Variants in NEMP1 observed in about 807,000 individuals in gnomAD.
NEMP1 encodes transmembrane protein 194.
In NEMP1, 29 loss-of-function variants were observed where a neutral mutation model predicts 53.7. That is an observed-to-expected ratio of 0.54 (90% CI 0.40 to 0.74). NEMP1 has a LOEUF of 0.74. NEMP1 is among the 30% of genes least tolerant of loss of function. NEMP1 has a pLI of 0.00. For missense variants in NEMP1, 477 were observed against 528.6 expected, an observed-to-expected ratio of 0.90 and a Z score of 0.96; for synonymous variants, 193 against 192.9, an observed-to-expected ratio of 1.00 and a Z score of 0.00.
At chr12:57,075,215 T>C (rs2032546870) in intron 1 of NEMP1, among the ~76,000 whole-genome samples, 2 of 150,086 alleles carry the variant, frequency 1.3e-5, no homozygotes, top group Non-Finnish European at 3.0e-5. Context: ...TGAAACCCCA[T>C]CTCTACTAAA....
intron 7 of NEMP1, 110 bp downstream of exon 7, chr12:57,063,009 T>C (rs1592500534): frequency 2.5e-6 from 2 of 802,014 alleles, no homozygotes; most frequent in South Asian, 3.5e-5. Context: ...TACAATACAA[T>C]GACTTTTCAT....
intron 7 of NEMP1, among the ~76,000 whole-genome samples, chr12:57,061,990 T>C (rs2031833036): frequency 6.6e-6 from 1 of 151,542 alleles, no homozygotes; most frequent in African/African-American, 2.4e-5. Context: ...AGAGCAAGAC[T>C]CCATCTCAAA....
At position 57,059,948 on chromosome 12, in the gene NEMP1, T is replaced by C. The variant is rs767442565; in HGVS notation, c.1266A>G (p.Glu422=). 1.1e-5 allele frequency: 18 copies of C among 1,613,380 alleles called. No homozygotes were observed. Among genetic ancestry groups the C allele is most frequent in the Non-Finnish European group, 1.5e-5 (18 of 1,179,798 alleles). The change falls in exon 9 of 9, where the codon GAA becomes GAG. Residue 422 remains glutamate, a synonymous_variant. Transcript: ENST00000300128. ...ATGAGTCCTCCTCCTCAGAGGATGC[T>C]TCCTCATAGATTTCATCCTGGGCAA... The part of the protein sequence containing the change: ...SIIAQDEIYE[E]ASSEEEDSYS...
At chr12:57,083,473 C>T (rs1473433544), upstream of NEMP1, among the ~76,000 whole-genome samples, 1 of 152,208 alleles carries the variant, frequency 6.6e-6, no homozygotes, top group African/African-American at 2.4e-5. Flanking sequence ...CTCAGGCCAA[C>T]ACTGATGAGT....
Position 57,064,188 on chromosome 12 carries a change from A to T in NEMP1, c.640-3T>A. Reference sequence around the variant, plus strand: ...AGGATGACGTAAATGGGACTTTTCTAAGACAGAGAGTAGAAGTGAAAGCAA... The same window carrying T: ...AGGATGACGTAAATGGGACTTTTCTTAGACAGAGAGTAGAAGTGAAAGCAA... On this transcript the variant is annotated splice_polypyrimidine_tract_variant and splice_region_variant and intron_variant, in intron 5 of 8. Transcript: ENST00000300128. The T allele has an allele frequency of 6.3e-7, 1 of 1,586,080 alleles. No individual in the cohort carries two copies. Among genetic ancestry groups the T allele is most frequent in the East Asian group, 2.3e-5 (1 of 43,964 alleles).
In NEMP1 at chr12:57,059,897, CT is replaced by C; in HGVS notation, c.1316del (p.Gln439ArgfsTer5). The C allele has an allele frequency of 6.2e-7, 1 of 1,613,534 alleles. No individual in the cohort carries two copies. Among genetic ancestry groups the C allele is most frequent in the Non-Finnish European group, 8.5e-7 (1 of 1,179,774 alleles). On this transcript the variant is annotated frameshift_variant, in exon 9 of 9. Coordinates refer to ENST00000300128, the MANE Select transcript of NEMP1 (RefSeq NM_001130963.2). LOFTEE classifies it high-confidence loss of function. ...CCACTACCTAGGTTAGAAAGTTGTT[CT>C]GTGTGATAGCAGGACACCGAGAATA... ...DSYSRCPAIT[Q>X]NNFLT
At position 57,060,018 on chromosome 12, in the gene NEMP1, T is replaced by C. The variant is rs139392478; in HGVS notation, c.1196A>G (p.Asn399Ser). The C allele has an allele frequency of 3.1e-6, 5 of 1,613,926 alleles. No homozygotes were observed. The African/African-American group carries it at 5.3e-5, about 17-fold the overall frequency. ...CTCCTGCTCATGGACAGAAACTTCATTTGGCGTGAGGTGGGAAGAGCCTTC... is the reference window on the plus strand; with the variant it reads ...CTCCTGCTCATGGACAGAAACTTCACTTGGCGTGAGGTGGGAAGAGCCTTC... The part of the protein sequence containing the change: ...FVEGSSHLTP[N>S]EVSVHEQEYG... Residue 399 changes from asparagine (N) to serine (S), a missense_variant, in exon 9 of 9, where the codon AAT becomes AGT. Transcript: ENST00000300128.
At chr12:57,088,274 C>T (rs1454238667), upstream of NEMP1, among the ~76,000 whole-genome samples, 1 of 152,216 alleles carries the variant, frequency 6.6e-6, no homozygotes, top group Non-Finnish European at 1.5e-5. Flanking sequence ...TGGTGGCGTG[C>T]AGCATAACCC....
chr12:57,086,816 G>A (rs1346790347), intron 1 of NEMP1, among the ~76,000 whole-genome samples: 1 of 152,208 alleles, frequency 6.6e-6, no homozygotes, highest in African/African-American at 2.4e-5. Context: ...GAGGAACACA[G>A]ATATACAAGT....
Position 57,078,683 on chromosome 12 carries a change from T to C in NEMP1, c.63A>G (p.Gly21=). 1 of 1,613,312 alleles carries C rather than the reference T, an allele frequency of 6.2e-7. No homozygotes were observed. The highest frequency in any genetic ancestry group is 8.5e-7 in the Non-Finnish European group (1 of 1,179,654). Residue 21 remains glycine, a synonymous_variant, in exon 1 of 9, where the codon GGA becomes GGG. Coordinates refer to ENST00000300128, the MANE Select transcript of NEMP1 (RefSeq NM_001130963.2). ...GCCGCACTGTCCCACCGCCCCCGAC[T>C]CCCGAGCCCCAGGGCCCGGGACCAA... ...PAVGPGPWGS[G]VGGGGTVRLL... is the part of the protein sequence containing the mutation.
intron 4 of NEMP1, among the ~76,000 whole-genome samples, chr12:57,068,353 ATTT>A (rs562019335): frequency 2.1e-5 from 3 of 140,788 alleles, no homozygotes; most frequent in Non-Finnish European, 4.7e-5. Flanking sequence ...TAAACACTTG[ATTT>A]TTTTTTTTTT....
intron 4 of NEMP1, among the ~76,000 whole-genome samples, chr12:57,068,278 T>G (rs1405049623): frequency 6.6e-6 from 1 of 152,202 alleles, no homozygotes; most frequent in Non-Finnish European, 1.5e-5. Flanking sequence ...CTATATATTT[T>G]CTTCATATTT....
At chr12:57,082,902 T>G (rs1441030628), upstream of NEMP1, among the ~76,000 whole-genome samples, 2 of 151,068 alleles carry the variant, frequency 1.3e-5, no homozygotes, top group African/African-American at 4.9e-5. Context: ...GCACCTGTGG[T>G]CCCAGCTACT....
rs1335549131 is a variant in NEMP1 at position 57,057,039 on chromosome 12, T to G, written c.*2840A>C. The G allele has an allele frequency of 6.6e-6, 1 of 152,258 alleles. No individual in the cohort carries two copies. Among genetic ancestry groups the G allele is most frequent in the Non-Finnish European group, 1.5e-5 (1 of 68,042 alleles). 9.4% of individuals were successfully genotyped at this position (152,258 alleles called of 1,614,324 possible). A position where few individuals can be genotyped will look rare whatever the true frequency, so the allele number is the denominator to read the frequency against. On this transcript the variant is annotated 3_prime_UTR_variant, in exon 9 of 9. Transcript: ENST00000300128. Reference sequence around the variant, plus strand: ...GAAGTTGCTAAATTTTCCTTGTTTTTGATCCCTGTGTTCTGTTGGTCTCTT... The same window carrying G: ...GAAGTTGCTAAATTTTCCTTGTTTTGGATCCCTGTGTTCTGTTGGTCTCTT...
At chr12:57,065,492 T>C (rs1031927687) in intron 4 of NEMP1, among the ~76,000 whole-genome samples, 1 of 151,852 alleles carries the variant, frequency 6.6e-6, no homozygotes, top group African/African-American at 2.4e-5. Context: ...AATAACTTGC[T>C]ACAGCTTCTA....
chr12:57,071,468 C>A (rs1447766832), intron 2 of NEMP1, among the ~76,000 whole-genome samples: 3 of 152,076 alleles, frequency 2.0e-5, no homozygotes, highest in Non-Finnish European at 4.4e-5. Context: ...ACCGCCACCT[C>A]CTGGATTCAA....
intron 4 of NEMP1, among the ~76,000 whole-genome samples, chr12:57,068,738 T>G (rs1251818471): frequency 1.3e-5 from 2 of 152,162 alleles, no homozygotes; most frequent in Admixed American, 1.3e-4. Context: ...GCTAATTTTT[T>G]TGCATTTTCA....
upstream of NEMP1, among the ~76,000 whole-genome samples, chr12:57,079,204 T>G (rs759187152): frequency 6.6e-6 from 1 of 152,188 alleles, no homozygotes; most frequent in Non-Finnish European, 1.5e-5. Flanking sequence ...TGAGATCGCT[T>G]TATGAGTAGG....
At chr12:57,088,456 G>C (rs1268671611), upstream of NEMP1, among the ~76,000 whole-genome samples, 1 of 152,324 alleles carries the variant, frequency 6.6e-6, no homozygotes, top group East Asian at 1.9e-4. Flanking sequence ...ACGGGAGTCA[G>C]ATGCACGCAC....
Sources: allele counts gnomAD v4.1 joint callset (sites outside exome capture counted in the v4.1 genomes callset), GRCh38; gene constraint gnomAD v4.1.1; transcripts MANE v1.5; gene names NCBI Gene and HGNC (gene_info 2026-07-23, HGNC 2026-07-21).